Variants in GLIS3 observed in about 807,000 individuals in gnomAD.
GLIS3 encodes the protein zinc finger protein GLIS3.
GLIS3 carries 53 observed loss-of-function variants against 78.6 expected under a neutral mutation model. The observed-to-expected ratio is 0.67, with a 90% CI of 0.54 to 0.85. GLIS3 has a LOEUF of 0.85. Ranked by LOEUF, GLIS3 falls within the 40% of genes least tolerant of loss-of-function variation. The pLI is 0.00. For synonymous variants in GLIS3, 684 were observed against 509.9 expected (o/e 1.34, Z -4.60); for missense variants, 1,703 against 1,231.1 (o/e 1.38, Z -5.74).
At chr9:4,352,077 G>A (rs983291019), upstream of GLIS3, among the ~76,000 whole-genome samples, 1 of 152,182 alleles carries the variant, frequency 6.6e-6, no homozygotes, top group Non-Finnish European at 1.5e-5. Context: ...AAGCTACAGT[G>A]TTCGTGAAGA....
chr9:3,969,838 T>A (rs563044923), intron 4 of GLIS3, among the ~76,000 whole-genome samples: 2 of 152,212 alleles, frequency 1.3e-5, no homozygotes, highest in African/African-American at 4.8e-5. Flanking sequence ...GTCCAGAAAC[T>A]GAGCAAAATT....
intron 4 of GLIS3, among the ~76,000 whole-genome samples, chr9:4,046,873 C>A (rs1825294634): frequency 6.6e-6 from 1 of 152,050 alleles, no homozygotes. Flanking sequence ...CTAGGTATTG[C>A]CAGAGGACAC....
At chr9:4,299,031 A>G (rs916136448) in intron 1 of GLIS3, among the ~76,000 whole-genome samples, 20 of 152,094 alleles carry the variant, frequency 1.3e-4, no homozygotes, top group Non-Finnish European at 2.9e-5. Context: ...GGTGCGCCCC[A>G]TGCCCGTGCG....
chr9:4,394,126 A>G, the GLIS3 span, among the ~76,000 whole-genome samples: 1 of 151,682 alleles, frequency 6.6e-6, no homozygotes, highest in Admixed American at 6.6e-5. Context: ...ATTTATTTCT[A>G]AATTTATTTT....
chr9:4,126,089 T>C, intron 2 of GLIS3, 148 bp from the exon 3 acceptor site: 1 of 665,956 alleles, frequency 1.5e-6, no homozygotes, highest in Non-Finnish European at 2.7e-6. Flanking sequence ...CAAAAGGCTT[T>C]CTCCAATTCC....
rs28394037 is a variant in GLIS3 at position 4,027,932 on chromosome 9, G to A, written c.1710+89836C>T. Among the ~76,000 whole-genome samples, 1,247 of 152,266 alleles carry A rather than the reference G, an allele frequency of 8.2e-3. 21 individuals carry two copies. The highest frequency in any genetic ancestry group is 0.029 in the African/African-American group (1,197 of 41,548). On this transcript the variant is annotated intron_variant, in intron 4 of 10. Coordinates refer to ENST00000381971, the MANE Select transcript of GLIS3 (RefSeq NM_001042413.2). ...CAGCTGAAGGCCAGCTCAGAGCCTC[G>A]ATCAAGGTAGAACCCAGTGGGTGAG... is the stretch of plus-strand genomic sequence containing the variant.
intron 2 of GLIS3, among the ~76,000 whole-genome samples, chr9:4,284,211 G>A (rs1827791784): frequency 6.6e-6 from 1 of 152,160 alleles, no homozygotes; most frequent in Non-Finnish European, 1.5e-5. Flanking sequence ...ACAACTCAGT[G>A]CTGTTTGAGG....
At chr9:3,997,320 T>A (rs574715279) in intron 4 of GLIS3, among the ~76,000 whole-genome samples, 1 of 151,860 alleles carries the variant, frequency 6.6e-6, no homozygotes, top group Admixed American at 6.6e-5. Context: ...CACCCCAGCC[T>A]GGGCAAGAAG....
chr9:4,327,146 T>C (rs185896779), intron 2 of GLIS3, among the ~76,000 whole-genome samples: 3 of 152,162 alleles, frequency 2.0e-5, no homozygotes, highest in East Asian at 1.9e-4. Context: ...GAGTTAATGA[T>C]GCAGTTGGTG....
At chr9:4,332,864 T>C (rs575547872) in intron 2 of GLIS3, among the ~76,000 whole-genome samples, 2 of 152,238 alleles carry the variant, frequency 1.3e-5, no homozygotes, top group Non-Finnish European at 2.9e-5. Flanking sequence ...TTATACATGA[T>C]AGTATCAATA....
chr9:4,061,050 T>A (rs904223580), intron 4 of GLIS3, among the ~76,000 whole-genome samples: 7 of 148,534 alleles, frequency 4.7e-5, no homozygotes, highest in African/African-American at 1.7e-4. Context: ...TGCTTCATAA[T>A]GGCTACTGAT....
intron 4 of GLIS3, among the ~76,000 whole-genome samples, chr9:3,984,652 C>T: frequency 6.6e-6 from 1 of 152,068 alleles, no homozygotes; most frequent in African/African-American, 2.4e-5. Flanking sequence ...TTGGGGGACT[C>T]TTGGGAAGGC....
At chr9:4,155,773 T>C (rs999385797) in intron 2 of GLIS3, among the ~76,000 whole-genome samples, 1 of 152,106 alleles carries the variant, frequency 6.6e-6, no homozygotes, top group Non-Finnish European at 1.5e-5. Flanking sequence ...GCTAGGCCCA[T>C]CCCAGAGTTT....
At chr9:4,448,950 C>A in the GLIS3 span, among the ~76,000 whole-genome samples, 2 of 152,294 alleles carry the variant, frequency 1.3e-5, no homozygotes, top group Admixed American at 6.5e-5. Flanking sequence ...GTACGTGGTT[C>A]ATCTCACTGG....
intron 2 of GLIS3, among the ~76,000 whole-genome samples, chr9:4,215,654 G>C (rs1820761175): frequency 6.6e-6 from 1 of 152,152 alleles, no homozygotes; most frequent in Admixed American, 6.5e-5. Flanking sequence ...CCCATGCAAT[G>C]AATGTTCCCA....
chr9:4,087,478 G>C (rs1470807920), intron 4 of GLIS3, among the ~76,000 whole-genome samples: 2 of 152,170 alleles, frequency 1.3e-5, no homozygotes, highest in African/African-American at 4.8e-5. Flanking sequence ...TTTCCTGATA[G>C]ATCTAAGGCC....
intron 7 of GLIS3, among the ~76,000 whole-genome samples, chr9:3,890,544 C>T (rs1265586523): frequency 1.3e-5 from 2 of 152,074 alleles, no homozygotes; most frequent in Non-Finnish European, 2.9e-5. Context: ...CTGCCAATTG[C>T]CGGGGAGTGT....
the GLIS3 span, among the ~76,000 whole-genome samples, chr9:4,482,678 A>G: frequency 6.6e-6 from 1 of 152,218 alleles, no homozygotes; most frequent in African/African-American, 2.4e-5. Flanking sequence ...TGCCCTTTTC[A>G]TTTGTATCCT....
intron 2 of GLIS3, among the ~76,000 whole-genome samples, chr9:4,236,560 A>G (rs1822771692): frequency 6.6e-6 from 1 of 152,218 alleles, no homozygotes; most frequent in Non-Finnish European, 1.5e-5. Context: ...CCTCATTTTA[A>G]GAAAACCTGG....
Sources: gnomAD v4.1 joint callset for allele counts (sites outside exome capture counted in the v4.1 genomes callset) on GRCh38, gnomAD v4.1.1 for gene constraint, MANE v1.5 for transcripts, NCBI Gene and HGNC (gene_info 2026-07-23, HGNC 2026-07-21) for gene names.